The following SPAG16 variants were observed in gnomAD, a reference collection of about 807,000 sequenced individuals.
SPAG16 encodes sperm associated antigen 16.
SPAG16 carries 86 observed loss-of-function variants against 80.4 expected under a neutral mutation model. The observed-to-expected ratio is 1.07, with a 90% CI of 0.90 to 1.28. SPAG16 has a LOEUF of 1.28. Ranked by LOEUF, SPAG16 falls within the 50% of genes most tolerant of loss-of-function variation. The probability of loss-of-function intolerance (pLI) is 0.00; values close to 1 mark genes in which losing one functional copy is unlikely to be tolerated. For missense variants in SPAG16, 870 were observed against 765.3 expected, an observed-to-expected ratio of 1.14 and a Z score of -1.61; for synonymous variants, 294 against 265.9, an observed-to-expected ratio of 1.11 and a Z score of -1.03.
At chr2:214,239,090 G>C (rs1016886848) in intron 15 of SPAG16, 8 of 151,980 alleles carry the variant, frequency 5.3e-5, no homozygotes, top group Non-Finnish European at 1.5e-5. Flanking sequence ...GAGTGCAATA[G>C]CACAGTCAGA....
At chr2:213,383,630 A>G (rs1189270138) in intron 9 of SPAG16, among the ~76,000 whole-genome samples, 1 of 152,190 alleles carries the variant, frequency 6.6e-6, no homozygotes, top group Non-Finnish European at 1.5e-5. Flanking sequence ...TTCTCCTGGC[A>G]TTCCAAACTG....
intron 15 of SPAG16, among the ~76,000 whole-genome samples, chr2:214,298,266 T>C (rs1694302676): frequency 6.6e-6 from 1 of 152,166 alleles, no homozygotes; most frequent in East Asian, 1.9e-4. Context: ...GAAATGTCTC[T>C]GATTTTTTGT....
intron 13 of SPAG16, among the ~76,000 whole-genome samples, chr2:214,065,097 A>G (rs918989440): frequency 6.6e-6 from 1 of 152,070 alleles, no homozygotes; most frequent in African/African-American, 2.4e-5. Flanking sequence ...CTCAGTTTTT[A>G]CAGATGAGAA....
In SPAG16 at chr2:213,759,838, C is replaced by A. The variant is rs375011154; in HGVS notation, c.1071-102647C>A. On this transcript the variant is annotated intron_variant, in intron 10 of 15. Coordinates refer to ENST00000331683, the MANE Select transcript of SPAG16 (RefSeq NM_024532.5). ...GATCATGAAGTCAGGAGATCGAAAC[C>A]ATCCTGGCCAACATGGTGAAACCCT... is the stretch of plus-strand genomic sequence containing the variant. Among the ~76,000 whole-genome samples the A allele has an allele frequency of 4.0e-4, 61 of 152,174 alleles. No individual in the cohort carries two copies. The East Asian group carries it at 8.5e-3, about 21-fold the overall frequency.
At chr2:213,638,595 TG>T (rs1248090540) in intron 10 of SPAG16, among the ~76,000 whole-genome samples, 1 of 152,216 alleles carries the variant, frequency 6.6e-6, no homozygotes, top group Non-Finnish European at 1.5e-5. Flanking sequence ...TGTCCCATTG[TG>T]GTCTGAGAGA....
intron 10 of SPAG16, among the ~76,000 whole-genome samples, chr2:213,566,417 C>T (rs937225924): frequency 2.6e-5 from 4 of 152,030 alleles, no homozygotes; most frequent in South Asian, 4.2e-4. Context: ...TTTCTCTCAC[C>T]CCCTTCAATT....
intron 13 of SPAG16, among the ~76,000 whole-genome samples, chr2:214,044,614 C>T (rs58156064): frequency 0.019 from 2,854 of 152,278 alleles, 90 homozygotes; most frequent in African/African-American, 0.065. Context: ...TAACTTCATA[C>T]TGAAAGAGGC....
At chr2:214,183,830 C>T (rs942921392) in intron 15 of SPAG16, among the ~76,000 whole-genome samples, 2 of 151,954 alleles carry the variant, frequency 1.3e-5, no homozygotes, top group African/African-American at 4.8e-5. Flanking sequence ...CCGAAGCCTC[C>T]GTGTATAGAT....
chr2:214,387,528 G>GTGCTT (rs1700828671), intron 15 of SPAG16, among the ~76,000 whole-genome samples: 1 of 152,054 alleles, frequency 6.6e-6, no homozygotes. Flanking sequence ...ATACCTTTTG[G>GTGCTT]TGCTTTCAAA....
At chr2:213,793,626 G>A (rs1189422509) in intron 10 of SPAG16, among the ~76,000 whole-genome samples, 1 of 152,150 alleles carries the variant, frequency 6.6e-6, no homozygotes, top group Non-Finnish European at 1.5e-5. Flanking sequence ...AAGATATATA[G>A]TCTACCTACA....
chr2:213,476,348 C>T (rs1281537668), intron 9 of SPAG16, among the ~76,000 whole-genome samples: 1 of 152,186 alleles, frequency 6.6e-6, no homozygotes, highest in Non-Finnish European at 1.5e-5. Flanking sequence ...GCCCCAGGAC[C>T]TTATTCTGAT....
chr2:214,030,246 G>C (rs1220161759), intron 13 of SPAG16, among the ~76,000 whole-genome samples: 1 of 152,060 alleles, frequency 6.6e-6, no homozygotes, highest in Non-Finnish European at 1.5e-5. Flanking sequence ...TCTGAGGTTG[G>C]ATTATTTCAC....
intron 10 of SPAG16, among the ~76,000 whole-genome samples, chr2:213,653,202 A>G (rs1300026397): frequency 6.6e-6 from 1 of 152,220 alleles, no homozygotes; most frequent in Admixed American, 6.5e-5. Context: ...GACTATTCTA[A>G]GCAAATCTTG....
intron 15 of SPAG16, among the ~76,000 whole-genome samples, chr2:214,186,494 T>C (rs372642428): frequency 7.9e-5 from 12 of 152,142 alleles, no homozygotes; most frequent in Middle Eastern, 3.4e-3. Context: ...AAATTGTACG[T>C]CCAGAGAATT....
chr2:214,163,260 A>G (rs2056520246), intron 15 of SPAG16, among the ~76,000 whole-genome samples: 1 of 151,960 alleles, frequency 6.6e-6, no homozygotes, highest in African/African-American at 2.4e-5. Flanking sequence ...ATTTTATCTC[A>G]CATTAAAGTT....
chr2:214,008,003 A>G (rs1037769996), intron 12 of SPAG16, among the ~76,000 whole-genome samples: 2 of 152,100 alleles, frequency 1.3e-5, no homozygotes, highest in Non-Finnish European at 2.9e-5. Context: ...TAACACAATT[A>G]TACTTATGTT....
chr2:214,213,810 G>A (rs2058356572), intron 15 of SPAG16, among the ~76,000 whole-genome samples: 1 of 152,146 alleles, frequency 6.6e-6, no homozygotes, highest in South Asian at 2.1e-4. Flanking sequence ...TCAGTAAGAG[G>A]TCCTGGGTAG....
Position 213,354,457 on chromosome 2 carries a change from A to G in SPAG16, c.762+3812A>G, listed in dbSNP as rs190295785. Among the ~76,000 whole-genome samples the G allele has an allele frequency of 6.5e-3, 991 of 152,298 alleles. 16 individuals are homozygous for G. The highest frequency in any genetic ancestry group is 0.023 in the African/African-American group (941 of 41,572). ...TCTGGTTCTAGATCCTTGAGGAATC[A>G]CCACACTGTCTTCCACAGTGGTTGA... On this transcript the variant is annotated intron_variant, in intron 7 of 15. Transcript: ENST00000331683.
chr2:213,556,289 G>C (rs2059419509), intron 10 of SPAG16, among the ~76,000 whole-genome samples: 1 of 78,338 alleles, frequency 1.3e-5, no homozygotes, highest in Non-Finnish European at 2.6e-5. Context: ...TAAGGGGGCT[G>C]AATGGGTCAA....
Sources: gnomAD v4.1 joint callset for allele counts (sites outside exome capture counted in the v4.1 genomes callset) on GRCh38, gnomAD v4.1.1 for gene constraint, MANE v1.5 for transcripts, NCBI Gene and HGNC (gene_info 2026-07-23, HGNC 2026-07-21) for gene names.